The following CNNM2 variants were observed in gnomAD, a reference collection of about 807,000 sequenced individuals.
CNNM2 encodes metal transporter CNNM2.
In CNNM2, 12 loss-of-function variants were observed where a neutral mutation model predicts 66.9. The observed-to-expected ratio is 0.18, with a 90% CI of 0.11 to 0.29. CNNM2 has a LOEUF of 0.29. Ranked by LOEUF, CNNM2 falls within the 10% of genes least tolerant of loss-of-function variation. CNNM2 has a pLI of 1.00. For synonymous variants in CNNM2, 557 were observed against 501.8 expected (o/e 1.11, Z -1.47); for missense variants, 705 against 1,167.7 (o/e 0.60, Z 5.77).
intron 1 of CNNM2, among the ~76,000 whole-genome samples, chr10:102,945,010 A>G (rs1195023756): frequency 2.0e-5 from 3 of 149,424 alleles, no homozygotes; most frequent in African/African-American, 7.4e-5. Context: ...ACCACATAGT[A>G]AAAAGTACCT....
rs1300969404 is a variant in CNNM2 at position 103,082,336 on chromosome 10, G to A, written c.*5156G>A. On this transcript the variant is annotated 3_prime_UTR_variant, in exon 8 of 8. Transcript: ENST00000369878. ...ATCCAATGGGCCTGGTGGGGCTTGG[G>A]TGCCTGCCTTTTTTGTTGGAGGCTC... 1 of 152,208 alleles carries A rather than the reference G, an allele frequency of 6.6e-6. No homozygotes were observed. The highest frequency in any genetic ancestry group is 1.5e-5 in the Non-Finnish European group (1 of 68,072). The allele number at this position is 152,208 out of a possible 1,614,324, so 9.4% of individuals were successfully genotyped here.
At chr10:103,023,812 A>G (rs1339564435) in intron 1 of CNNM2, among the ~76,000 whole-genome samples, 2 of 152,344 alleles carry the variant, frequency 1.3e-5, no homozygotes, top group East Asian at 1.9e-4. Context: ...CAAATTTGCA[A>G]TCATTTGACA....
chr10:102,930,734 C>T (rs2134165894), intron 1 of CNNM2, among the ~76,000 whole-genome samples: 1 of 152,284 alleles, frequency 6.6e-6, no homozygotes, highest in South Asian at 2.1e-4. Context: ...TAGTCACTGG[C>T]AACTAATTTA....
At chr10:103,028,774 A>G (rs1050973909) in intron 1 of CNNM2, among the ~76,000 whole-genome samples, 2 of 149,034 alleles carry the variant, frequency 1.3e-5, no homozygotes, top group African/African-American at 5.0e-5. Context: ...CATAATCTTC[A>G]TCCCCCTCCC....
chr10:102,948,938 G>A lies in CNNM2; in HGVS notation c.1621+28837G>A, dbSNP rs577768355. On this transcript the variant is annotated intron_variant, in intron 1 of 7. Coordinates refer to ENST00000369878, the MANE Select transcript of CNNM2 (RefSeq NM_017649.5). The stretch of plus-strand genomic sequence containing the variant: ...CATAACCGGGGCCCGAAAAGTCAAA[G>A]ATCATGCAGTTAGTAAGCAGAAGTA... Among the ~76,000 whole-genome samples the A allele has an allele frequency of 5.3e-5, 8 of 152,260 alleles. No individual in the cohort carries two copies. In the South Asian group the frequency reaches 1.2e-3, roughly 24 times the overall value.
Position 103,086,694 on chromosome 10 carries a change from T to G in CNNM2, c.*9514T>G, listed in dbSNP as rs1373741753. On this transcript the variant is annotated 3_prime_UTR_variant, in exon 8 of 8. Coordinates refer to ENST00000369878, the MANE Select transcript of CNNM2 (RefSeq NM_017649.5). ...CTAATGTGACTTAAGGATTTGTAGT[T>G]CTATTAAAAACGACTTCTAAAAGTA... is the stretch of plus-strand genomic sequence containing the variant. 1 of 152,212 alleles carries G rather than the reference T, an allele frequency of 6.6e-6. No homozygotes were observed. The highest frequency in any genetic ancestry group is 1.5e-5 in the Non-Finnish European group (1 of 68,036). 9.4% of individuals were successfully genotyped at this position (152,212 alleles called of 1,614,324 possible). A position where few individuals can be genotyped will look rare whatever the true frequency, so the allele number is the denominator to read the frequency against.
intron 4 of CNNM2, among the ~76,000 whole-genome samples, chr10:103,066,808 G>C (rs1176650735): frequency 6.6e-6 from 1 of 152,204 alleles, no homozygotes; most frequent in Non-Finnish European, 1.5e-5. Context: ...TGGTCAGCCC[G>C]TGGGGGATGA....
chr10:103,030,532 C>T (rs977877344), intron 1 of CNNM2, among the ~76,000 whole-genome samples: 28 of 152,132 alleles, frequency 1.8e-4, no homozygotes, highest in Middle Eastern at 3.4e-3. Flanking sequence ...CTGGCCAACA[C>T]GGTGAAACCC....
intron 1 of CNNM2, among the ~76,000 whole-genome samples, chr10:102,976,055 G>A (rs1564827901): frequency 6.6e-6 from 1 of 152,120 alleles, no homozygotes; most frequent in African/African-American, 2.4e-5. Context: ...AGAGATACTT[G>A]GAAGAGAGTG....
At chr10:103,026,737 G>A (rs180859482) in intron 1 of CNNM2, among the ~76,000 whole-genome samples, 3 of 152,066 alleles carry the variant, frequency 2.0e-5, no homozygotes, top group Admixed American at 1.3e-4. Flanking sequence ...TCAGTGTGCT[G>A]TGGGCCTCAG....
chr10:102,951,895 C>T (rs12773149), intron 1 of CNNM2, among the ~76,000 whole-genome samples: 1 of 152,050 alleles, frequency 6.6e-6, no homozygotes, highest in Admixed American at 6.5e-5. Context: ...CCTCTGCCTC[C>T]TAGGTTCAAG....
At chr10:103,008,642 G>T (rs2064274177) in intron 1 of CNNM2, among the ~76,000 whole-genome samples, 1 of 152,016 alleles carries the variant, frequency 6.6e-6, no homozygotes, top group South Asian at 2.1e-4. Context: ...AGCCGGGCGT[G>T]GTGGCACATG....
chr10:103,047,747 G>C (rs1429567571), intron 1 of CNNM2, among the ~76,000 whole-genome samples: 1 of 152,074 alleles, frequency 6.6e-6, no homozygotes, highest in Non-Finnish European at 1.5e-5. Flanking sequence ...TAGTCACTTG[G>C]AAAATATTGG....
At chr10:102,985,211 T>C (rs1454774742) in intron 1 of CNNM2, among the ~76,000 whole-genome samples, 1 of 152,142 alleles carries the variant, frequency 6.6e-6, no homozygotes, top group Non-Finnish European at 1.5e-5. Context: ...ATCTTTTTTT[T>C]CTAAAACAAT....
At chr10:103,025,940 G>A (rs1240998541) in intron 1 of CNNM2, among the ~76,000 whole-genome samples, 2 of 152,204 alleles carry the variant, frequency 1.3e-5, no homozygotes, top group Admixed American at 6.5e-5. Context: ...GGAGATGGGG[G>A]TCTAATAAGA....
intron 1 of CNNM2, among the ~76,000 whole-genome samples, chr10:102,947,922 A>G (rs1167038924): frequency 1.3e-5 from 2 of 151,868 alleles, no homozygotes; most frequent in East Asian, 1.9e-4. Flanking sequence ...GCGTGGTGGC[A>G]GGCACCTGTA....
At position 103,089,854 on chromosome 10, in the gene CNNM2, A is replaced by AC; in HGVS notation, c.*12675dup. 6.2e-7 allele frequency: 1 copy of AC among 1,613,446 alleles called. No individual in the cohort carries two copies. The highest frequency in any genetic ancestry group is 8.5e-7 in the Non-Finnish European group (1 of 1,179,848). On this transcript the variant is annotated 3_prime_UTR_variant, in exon 8 of 8. Coordinates refer to ENST00000369878, the MANE Select transcript of CNNM2 (RefSeq NM_017649.5). The stretch of plus-strand genomic sequence containing the variant: ...GTGCGGTTCCGGGTGGCAAGAGGAG[A>AC]CTCCATCTCATTGATATCTACGTGT...
intron 4 of CNNM2, among the ~76,000 whole-genome samples, chr10:103,067,549 C>CAA (rs1188560530): frequency 3.3e-5 from 5 of 152,140 alleles, no homozygotes; most frequent in African/African-American, 1.2e-4. Context: ...TTTGTTCACC[C>CAA]ATTGTAAAGG....
chr10:103,073,009 T>TTATTA (rs1162534809), intron 6 of CNNM2, among the ~76,000 whole-genome samples: 3 of 152,242 alleles, frequency 2.0e-5, no homozygotes, highest in African/African-American at 7.2e-5. Context: ...TGGACCTTTA[T>TTATTA]TATTATTAAT....
Sources: gnomAD v4.1 joint callset for allele counts (sites outside exome capture counted in the v4.1 genomes callset) on GRCh38, gnomAD v4.1.1 for gene constraint, MANE v1.5 for transcripts, NCBI Gene and HGNC (gene_info 2026-07-23, HGNC 2026-07-21) for gene names.